The following LIPT1 variants were observed in gnomAD, a reference collection of about 807,000 sequenced individuals.
The protein encoded by LIPT1 is lipoyltransferase 1, also known as lipoyl amidotransferase LIPT1, mitochondrial.
LIPT1 carries 22 observed loss-of-function variants against 25.1 expected under a neutral mutation model. The observed-to-expected ratio is 0.88, with a 90% CI of 0.63 to 1.25. The LOEUF (loss-of-function observed/expected upper bound fraction) is 1.25, where lower values mean the gene tolerates loss of function less well. Among genes scored for constraint, LIPT1 ranks in the 50% most tolerant of loss-of-function variants. The pLI, the probability that LIPT1 is intolerant of heterozygous loss-of-function variation, is 0.00. For synonymous variants in LIPT1, 131 were observed against 150.8 expected (o/e 0.87, Z 0.96); for missense variants, 399 against 432.8 (o/e 0.92, Z 0.69).
At position 99,162,578 on chromosome 2, in the gene LIPT1, C is replaced by A. The variant is rs767188388; in HGVS notation, c.621C>A (p.Ser207Arg). Residue 207 changes from serine (S) to arginine (R), a missense_variant, in exon 2 of 2, where the codon AGC becomes AGA. By Grantham distance (110) the Ser-to-Arg change is moderately radical. Coordinates refer to ENST00000651691, the MANE Select transcript of LIPT1 (RefSeq NM_145199.3). ...GGATCAGGAGCAATGCCACTGCTAGCATACCTTCCTTAGTGAAAAATCTTT... is the reference window on the plus strand; with the variant it reads ...GGATCAGGAGCAATGCCACTGCTAGAATACCTTCCTTAGTGAAAAATCTTT... ...YQGIRSNATASIPSLVKNLLE... is the reference protein window; with the variant it reads ...YQGIRSNATARIPSLVKNLLE... The A allele has an allele frequency of 1.1e-5, 17 of 1,614,166 alleles. No individual in the cohort carries two copies. In the South Asian group the frequency reaches 1.6e-4, roughly 16 times the overall value.
intron 1 of LIPT1, among the ~76,000 whole-genome samples, chr2:99,158,217 T>C (rs2093766133): frequency 1.3e-5 from 2 of 152,122 alleles, no homozygotes; most frequent in South Asian, 4.1e-4. Flanking sequence ...ATAAAGGACA[T>C]GATGCTTGAC....
Position 99,162,681 on chromosome 2 carries a change from G to C in LIPT1, c.724G>C (p.Asp242His), listed in dbSNP as rs2093805617. 3 of 1,614,010 alleles carry C rather than the reference G, an allele frequency of 1.9e-6. No homozygotes were observed. Among genetic ancestry groups the C allele is most frequent in the African/African-American group, 1.3e-5 (1 of 74,928 alleles). Residue 242 changes from aspartate to histidine, a missense_variant, in exon 2 of 2, where the codon GAT becomes CAT. Physicochemically the swap from Asp to His is moderately conservative, Grantham distance 81. Coordinates refer to ENST00000651691, the MANE Select transcript of LIPT1 (RefSeq NM_145199.3). ...AGAGTATGCTGCTTATCATCAAATT[G>C]ATAATCACATTCACCTAATAAACCC... Reference protein sequence around the residue: ...ATEYAAYHQIDNHIHLINPTD... With the variant: ...ATEYAAYHQIHNHIHLINPTD...
Position 99,161,656 on chromosome 2 carries a change from G to T in LIPT1, c.-1-301G>T, listed in dbSNP as rs186848515. ...AGTTTGAGACCAGCCTGGGCAACAT[G>T]GTGAAATCCTGTCTGTAAGAGAAAA... On this transcript the variant is annotated intron_variant, in intron 1 of 1. Coordinates refer to ENST00000651691, the MANE Select transcript of LIPT1 (RefSeq NM_145199.3). The T allele has an allele frequency of 4.6e-3, 964 of 210,686 alleles. 6 individuals carry two copies. The highest frequency in any genetic ancestry group is 7.7e-3 in the Non-Finnish European group (811 of 105,818). The allele number at this position is 210,686 out of a possible 1,614,324, so 13.1% of individuals were successfully genotyped here.
intron 1 of LIPT1, chr2:99,155,463 G>C (rs2093742329): frequency 2.2e-6 from 1 of 455,928 alleles, no homozygotes; most frequent in Non-Finnish European, 4.4e-6. Flanking sequence ...AGATGGGATT[G>C]TGCTGTTTTC....
At chr2:99,157,006 G>C (rs2093760751) in intron 1 of LIPT1, among the ~76,000 whole-genome samples, 1 of 152,212 alleles carries the variant, frequency 6.6e-6, no homozygotes, top group Non-Finnish European at 1.5e-5. Context: ...AACATGAATG[G>C]CTTATGCATA....
At chr2:99,159,318 C>T (rs999476639) in intron 1 of LIPT1, among the ~76,000 whole-genome samples, 1 of 152,236 alleles carries the variant, frequency 6.6e-6, no homozygotes, top group Admixed American at 6.5e-5. Context: ...CTGCCTCGGC[C>T]TCCCAGAGTC....
Position 99,162,676 on chromosome 2 carries a change from A to G in LIPT1, c.719A>G (p.Gln240Arg). The change falls in exon 2 of 2, where the codon CAA (glutamine) becomes CGA (arginine). Residue 240 changes from glutamine (Q) to arginine (R), a missense_variant. Physicochemically the swap from Gln to Arg is conservative, Grantham distance 43. Transcript: ENST00000651691. ...GCTACAGAGTATGCTGCTTATCATC[A>G]AATTGATAATCACATTCACCTAATA... ...AVATEYAAYH[Q>R]IDNHIHLINP... The G allele has an allele frequency of 6.2e-7, 1 of 1,614,132 alleles. No homozygotes were observed. Among genetic ancestry groups the G allele is most frequent in the African/African-American group, 1.3e-5 (1 of 75,056 alleles).
intron 1 of LIPT1, among the ~76,000 whole-genome samples, chr2:99,157,849 C>T (rs1234405536): frequency 2.0e-5 from 3 of 152,180 alleles, no homozygotes; most frequent in Non-Finnish European, 1.5e-5. Flanking sequence ...GTGCCGTTGG[C>T]CGCTAGTTCA....
rs1448399659 is a variant in LIPT1 at position 99,162,127 on chromosome 2, T to C, written c.170T>C (p.Leu57Pro). Residue 57 changes from leucine to proline, a missense_variant, in exon 2 of 2, where the codon CTA becomes CCA. By Grantham distance (98) the Leu-to-Pro change is moderately conservative. Coordinates refer to ENST00000651691, the MANE Select transcript of LIPT1 (RefSeq NM_145199.3). ...GACTGGATCCATGACCATATGAATC[T>C]AGAAGGCAAACCAATTCTATTCTTT... ...VEDWIHDHMN[L>P]EGKPILFFWQ... 1.2e-6 allele frequency: 2 copies of C among 1,614,156 alleles called. No homozygotes were observed. Among genetic ancestry groups the C allele is most frequent in the East Asian group, 2.2e-5 (1 of 44,876 alleles).
At chr2:99,155,439 C>G (rs2093741930) in intron 1 of LIPT1, 2 of 453,978 alleles carry the variant, frequency 4.4e-6, no homozygotes, top group East Asian at 1.4e-4. Context: ...GAAGCTGCGC[C>G]TGCCTAGAAA....
chr2:99,160,706 G>A (rs2093780585), intron 1 of LIPT1, among the ~76,000 whole-genome samples: 1 of 152,154 alleles, frequency 6.6e-6, no homozygotes. Flanking sequence ...ACTCCCAGTT[G>A]CCTCTCTCTC....
In LIPT1 at chr2:99,162,775, A is replaced by G; in HGVS notation, c.818A>G (p.Tyr273Cys). 5 of 1,614,172 alleles carry G rather than the reference A, an allele frequency of 3.1e-6. No individual in the cohort carries two copies. Among genetic ancestry groups the G allele is most frequent in the Non-Finnish European group, 4.2e-6 (5 of 1,179,984 alleles). ...AKELQTWEWI[Y>C]GKTPKFSINT... is the part of the protein sequence containing the mutation. Reference sequence around the variant, plus strand: ...GAACTGCAAACTTGGGAGTGGATATATGGCAAAACTCCAAAGTTTAGTATA... The same window carrying G: ...GAACTGCAAACTTGGGAGTGGATATGTGGCAAAACTCCAAAGTTTAGTATA... Residue 273 changes from tyrosine (Y) to cysteine (C), a missense_variant, in exon 2 of 2, where the codon TAT (tyrosine) becomes TGT (cysteine). Physicochemically the swap from Tyr to Cys is radical, Grantham distance 194 (BLOSUM62 -2). Transcript: ENST00000651691.
Position 99,162,385 on chromosome 2 carries a change from A to G in LIPT1, c.428A>G (p.Gln143Arg), listed in dbSNP as rs756779718. The change falls in exon 2 of 2, where the codon CAG becomes CGG. Residue 143 changes from glutamine (Q) to arginine (R), a missense_variant. Gln to Arg is a conservative substitution (Grantham distance 43). Coordinates refer to ENST00000651691, the MANE Select transcript of LIPT1 (RefSeq NM_145199.3). ...IVRALNAVQPQLDVQATKRFD... is the reference protein window; with the variant it reads ...IVRALNAVQPRLDVQATKRFD... ...AGAGCTCTGAATGCTGTCCAACCCCAGCTGGATGTGCAGGCTACCAAAAGA... is the reference window on the plus strand; with the variant it reads ...AGAGCTCTGAATGCTGTCCAACCCCGGCTGGATGTGCAGGCTACCAAAAGA... 6.8e-6 allele frequency: 11 copies of G among 1,614,030 alleles called. No individual in the cohort carries two copies. Among genetic ancestry groups the G allele is most frequent in the Non-Finnish European group, 9.3e-6 (11 of 1,179,988 alleles).
intron 1 of LIPT1, among the ~76,000 whole-genome samples, chr2:99,159,358 C>T (rs537507671): frequency 6.6e-5 from 10 of 152,322 alleles, no homozygotes; most frequent in African/African-American, 2.4e-4. Context: ...CCACTGCGCC[C>T]GGCCAGTTCA....
Position 99,162,713 on chromosome 2 carries a change from T to TGA in LIPT1, c.759_760dup (p.Thr254ArgfsTer7). On this transcript the variant is annotated frameshift_variant, in exon 2 of 2. Coordinates refer to ENST00000651691, the MANE Select transcript of LIPT1 (RefSeq NM_145199.3). LOFTEE classifies it high-confidence loss of function. ...ACATTCACCTAATAAACCCAACGGA[T>TGA]GAGACACTGTTTCCTGGAATAAATA... The TGA allele has an allele frequency of 6.2e-7, 1 of 1,614,146 alleles. No individual in the cohort carries two copies. The highest frequency in any genetic ancestry group is 8.5e-7 in the Non-Finnish European group (1 of 1,180,006).
intron 1 of LIPT1, chr2:99,156,803 G>GA: frequency 6.6e-6 from 1 of 152,322 alleles, no homozygotes; most frequent in South Asian, 2.1e-4. Flanking sequence ...ACCCTAACAA[G>GA]ATCACATTTT....
At chr2:99,155,137 T>G in intron 1 of LIPT1, 86 bp downstream of exon 1, 1 of 444,492 alleles carries the variant, frequency 2.2e-6, no homozygotes, top group South Asian at 1.6e-5. Flanking sequence ...GCGCGGTGTT[T>G]CTGGCGGTGG....
Position 99,158,156 on chromosome 2 carries a change from A to C in LIPT1, c.-2+3105A>C, listed in dbSNP as rs116957617. ...AGGTCATTCAACTGATAAAGGATAG[A>C]GTTGGGATTTGAATGAGGGCACTCT... On this transcript the variant is annotated intron_variant, in intron 1 of 1. Transcript: ENST00000651691. Among the ~76,000 whole-genome samples, 71 of 152,298 alleles carry C rather than the reference A, an allele frequency of 4.7e-4. 1 individual carries two copies. In the East Asian group the frequency reaches 0.013, roughly 27 times the overall value.
intron 1 of LIPT1, among the ~76,000 whole-genome samples, chr2:99,158,919 G>T (rs1325915501): frequency 6.6e-6 from 1 of 152,062 alleles, no homozygotes; most frequent in African/African-American, 2.4e-5. Context: ...GCAAGGACAG[G>T]TTCACCTTCT....
Sources: gnomAD v4.1 joint callset for allele counts (sites outside exome capture counted in the v4.1 genomes callset) on GRCh38, gnomAD v4.1.1 for gene constraint, MANE v1.5 for transcripts, NCBI Gene and HGNC (gene_info 2026-07-23, HGNC 2026-07-21) for gene names.